Variants in TBC1D32 observed in about 807,000 individuals in gnomAD.
TBC1D32 encodes the protein protein broad-minded.
A neutral mutation model predicts 170.3 loss-of-function variants in TBC1D32; 151 were observed. The observed-to-expected ratio is 0.89, with a 90% CI of 0.78 to 1.01. TBC1D32 has a LOEUF of 1.01. Among genes scored for constraint, TBC1D32 ranks in the 50% least tolerant of loss-of-function variants. TBC1D32 has a pLI of 0.00. For missense variants in TBC1D32, 1,464 were observed against 1,457.1 expected (o/e 1.00, Z -0.08); for synonymous variants, 498 against 488.0 (o/e 1.02, Z -0.27).
At chr6:121,326,938 T>C (rs933048321) in intron 1 of TBC1D32, among the ~76,000 whole-genome samples, 3 of 152,298 alleles carry the variant, frequency 2.0e-5, no homozygotes, top group Middle Eastern at 6.8e-3. Context: ...CTTCTACTCT[T>C]TAGGTAAGAG....
At chr6:121,300,627 G>C (rs1222014654) in intron 9 of TBC1D32, among the ~76,000 whole-genome samples, 1 of 152,056 alleles carries the variant, frequency 6.6e-6, no homozygotes, top group African/African-American at 2.4e-5. Context: ...ACATAGGCAT[G>C]GGCAAAGACT....
intron 20 of TBC1D32, among the ~76,000 whole-genome samples, chr6:121,233,905 T>C (rs1796041367): frequency 6.6e-6 from 1 of 152,188 alleles, no homozygotes; most frequent in South Asian, 2.1e-4. Context: ...AGTGCTGGCT[T>C]GGTAGTGGTG....
At chr6:121,227,477 C>T (rs1431135591) in intron 20 of TBC1D32, among the ~76,000 whole-genome samples, 3 of 152,000 alleles carry the variant, frequency 2.0e-5, no homozygotes, top group Non-Finnish European at 4.4e-5. Context: ...TTTCCAAACA[C>T]AGCATTTATC....
chr6:121,262,745 A>G (rs1799933475), intron 15 of TBC1D32, among the ~76,000 whole-genome samples: 1 of 152,166 alleles, frequency 6.6e-6, no homozygotes, highest in Non-Finnish European at 1.5e-5. Flanking sequence ...CCAAAGTGCG[A>G]GGATTACAGG....
chr6:121,317,449 T>A (rs1809083480), intron 3 of TBC1D32, 46 bp downstream of exon 3: 1 of 1,392,152 alleles, frequency 7.2e-7, no homozygotes, highest in East Asian at 2.6e-5. Context: ...AGCTAATTAT[T>A]ATTAAACAGC....
intron 21 of TBC1D32, among the ~76,000 whole-genome samples, chr6:121,219,668 G>A (rs1384139078): frequency 6.6e-6 from 1 of 152,190 alleles, no homozygotes; most frequent in African/African-American, 2.4e-5. Context: ...GCACATAAAT[G>A]ACTAACGATA....
At chr6:121,305,152 G>C (rs765465976) in intron 5 of TBC1D32, among the ~76,000 whole-genome samples, 45 of 152,082 alleles carry the variant, frequency 3.0e-4, no homozygotes, top group Non-Finnish European at 4.1e-4. Context: ...CAAAGGAACA[G>C]AGTAGGCAGT....
At chr6:121,310,887 C>T (rs773311300) in intron 3 of TBC1D32, 40 bp from the exon 4 acceptor site, 13 of 1,089,020 alleles carry the variant, frequency 1.2e-5, no homozygotes, top group African/African-American at 7.9e-5. Flanking sequence ...ATTTAGAAGG[C>T]TTTTAGAACT....
intron 26 of TBC1D32, among the ~76,000 whole-genome samples, chr6:121,120,428 A>G (rs948930143): frequency 6.6e-6 from 1 of 152,110 alleles, no homozygotes; most frequent in Non-Finnish European, 1.5e-5. Flanking sequence ...CCAATAAAGC[A>G]ATGTGAAAAA....
chr6:121,177,043 C>G (rs117842657), intron 22 of TBC1D32, among the ~76,000 whole-genome samples: 6 of 151,698 alleles, frequency 4.0e-5, no homozygotes, highest in Non-Finnish European at 8.8e-5. Flanking sequence ...TTTTTTTTTA[C>G]TGTATAAATG....
At chr6:121,143,813 CTA>C (rs1319036639) in intron 24 of TBC1D32, among the ~76,000 whole-genome samples, 11 of 151,866 alleles carry the variant, frequency 7.2e-5, no homozygotes, top group Non-Finnish European at 2.9e-5. Context: ...ACATTTAGCT[CTA>C]TTTTTTTTTT....
chr6:121,168,939 A>G (rs1456338704), intron 22 of TBC1D32, among the ~76,000 whole-genome samples: 2 of 152,112 alleles, frequency 1.3e-5, no homozygotes, highest in Non-Finnish European at 2.9e-5. Flanking sequence ...AAATGGAAAA[A>G]CATTCCATGC....
intron 15 of TBC1D32, among the ~76,000 whole-genome samples, chr6:121,260,994 A>C (rs910795667): frequency 1.4e-4 from 21 of 152,230 alleles, no homozygotes; most frequent in African/African-American, 5.1e-4. Flanking sequence ...TATTCCCCAC[A>C]GCGCAGCACA....
intron 22 of TBC1D32, 75 bp from the exon 23 acceptor site, chr6:121,161,131 T>C (rs891208212): frequency 2.9e-5 from 34 of 1,158,188 alleles, no homozygotes; most frequent in East Asian, 1.2e-4. Context: ...AGTCTCTGGA[T>C]TGTAAAGAAA....
intron 31 of TBC1D32, among the ~76,000 whole-genome samples, chr6:121,082,392 T>C (rs1055448582): frequency 4.6e-5 from 7 of 152,084 alleles, no homozygotes; most frequent in Admixed American, 4.6e-4. Context: ...GTTATTGTTA[T>C]AGTCGTGGAA....
At chr6:121,241,196 G>T (rs906587109) in intron 19 of TBC1D32, among the ~76,000 whole-genome samples, 1 of 152,034 alleles carries the variant, frequency 6.6e-6, no homozygotes, top group Non-Finnish European at 1.5e-5. Flanking sequence ...CATTAAGTAC[G>T]TTTCTCCTGA....
rs752823773 is a variant in TBC1D32 at position 121,160,994 on chromosome 6, A to C, written c.2633T>G (p.Val878Gly). Reference protein sequence around the residue: ...RNHVLVRINLVGGPLERILPP... With the variant: ...RNHVLVRINLGGGPLERILPP... ...CAAAATCCGTTCCAATGGCCCACCA[A>C]CAAGATTTATTCTAACAAGAACATG... Residue 878 changes from valine (V) to glycine (G), a missense_variant, in exon 23 of 32, where the codon GTT becomes GGT. Around this residue, in one of 3 missense-constraint regions of TBC1D32, gnomAD observed 1,363 missense variants for 1,338.1 expected, o/e 1.02. Transcript: ENST00000398212. 12 of 1,613,988 alleles carry C rather than the reference A, an allele frequency of 7.4e-6. No homozygotes were observed. The highest frequency in any genetic ancestry group is 1.0e-5 in the Non-Finnish European group (12 of 1,179,980).
intron 21 of TBC1D32, among the ~76,000 whole-genome samples, chr6:121,218,804 A>G (rs1449736284): frequency 6.6e-6 from 1 of 152,118 alleles, no homozygotes; most frequent in Non-Finnish European, 1.5e-5. Flanking sequence ...TGTTTTCATG[A>G]TAGTGAGTTA....
intron 2 of TBC1D32, among the ~76,000 whole-genome samples, chr6:121,318,760 T>G (rs978128509): frequency 3.2e-4 from 48 of 151,088 alleles, no homozygotes; most frequent in Non-Finnish European, 3.8e-4. Flanking sequence ...TCCAAAATGA[T>G]AATAAATACA....
Sources: allele counts gnomAD v4.1 joint callset (sites outside exome capture counted in the v4.1 genomes callset), GRCh38; gene constraint gnomAD v4.1.1; regional missense constraint gnomAD v4.1.1; transcripts MANE v1.5; gene names NCBI Gene and HGNC (gene_info 2026-07-23, HGNC 2026-07-21).